The following CELSR1 variants were observed in gnomAD, a reference collection of about 807,000 sequenced individuals.
CELSR1 encodes cadherin EGF LAG seven-pass G-type receptor 1.
CELSR1 carries 110 observed loss-of-function variants against 249.1 expected under a neutral mutation model. The observed-to-expected ratio is 0.44, with a 90% CI of 0.38 to 0.52. The LOEUF (loss-of-function observed/expected upper bound fraction) is 0.52, where lower values mean the gene tolerates loss of function less well. CELSR1 is among the 20% of genes least tolerant of loss of function. The probability of loss-of-function intolerance (pLI) is 0.00; values close to 1 mark genes in which losing one functional copy is unlikely to be tolerated. For synonymous variants in CELSR1, 2,113 were observed against 1,900.0 expected (o/e 1.11, Z -2.92); for missense variants, 4,109 against 4,296.4 (o/e 0.96, Z 1.22).
chr22:46,422,832 A>C (rs1490159610), intron 5 of CELSR1, among the ~76,000 whole-genome samples: 1 of 151,806 alleles, frequency 6.6e-6, no homozygotes, highest in Non-Finnish European at 1.5e-5. Flanking sequence ...TTTTAAATAC[A>C]AAGAACTCAA....
In CELSR1 at chr22:46,468,075, G is replaced by A. The variant is rs1358873080; in HGVS notation, c.3545-3730C>T. On this transcript the variant is annotated intron_variant, in intron 1 of 34. Coordinates refer to ENST00000674500, the MANE Select transcript of CELSR1 (RefSeq NM_001378328.1). This position sits in a 1 kb window ranked among gnomAD's most constrained non-coding sequence, Gnocchi z 4.5. ...AACATGGAAGTGACCTGCGTCCACCGACAGATTAACGGATTAAAACAATGT... is the reference window on the plus strand; with the variant it reads ...AACATGGAAGTGACCTGCGTCCACCAACAGATTAACGGATTAAAACAATGT... 6.6e-6 allele frequency among the ~76,000 whole-genome samples: 1 copy of A among 152,044 alleles called. No homozygotes were observed. The highest frequency in any genetic ancestry group is 1.5e-5 in the Non-Finnish European group (1 of 68,022).
rs2079656316 is a variant in CELSR1, at chr22:46,436,026, A to G, written c.4522+148T>C. The G allele has an allele frequency of 1.6e-6, 1 of 617,886 alleles. No homozygotes were observed. Among genetic ancestry groups the G allele is most frequent in the African/African-American group, 1.8e-5 (1 of 54,284 alleles). 38.3% of individuals were successfully genotyped at this position (617,886 alleles called of 1,614,324 possible). ...TTATGAACATCTTTGTGTACTTTGGATTTCTTAAATAAGACAGCTTCCTAG... is the reference window on the plus strand; with the variant it reads ...TTATGAACATCTTTGTGTACTTTGGGTTTCTTAAATAAGACAGCTTCCTAG... On this transcript the variant is annotated intron_variant, in intron 4 of 34. Coordinates refer to ENST00000674500, the MANE Select transcript of CELSR1 (RefSeq NM_001378328.1). This position sits in a 1 kb window ranked among gnomAD's most constrained non-coding sequence, Gnocchi z 5.9.
chr22:46,503,748 G>C (rs2080487856), intron 1 of CELSR1, among the ~76,000 whole-genome samples: 1 of 152,234 alleles, frequency 6.6e-6, no homozygotes, highest in South Asian at 2.1e-4. Context: ...AAATATTTAA[G>C]GCTGGGTGCA....
At chr22:46,383,475 G>T (rs1198545815) in intron 20 of CELSR1, among the ~76,000 whole-genome samples, 2 of 152,028 alleles carry the variant, frequency 1.3e-5, no homozygotes, top group Admixed American at 6.6e-5. Context: ...TTTTGTTGTT[G>T]TTTTTTTGCG....
At position 46,409,211 on chromosome 22, in the gene CELSR1, C is replaced by A; in HGVS notation, c.5060-49G>T. 1 of 1,596,742 alleles carries A rather than the reference C, an allele frequency of 6.3e-7. No homozygotes were observed. Among genetic ancestry groups the A allele is most frequent in the Non-Finnish European group, 8.5e-7 (1 of 1,172,634 alleles). On this transcript the variant is annotated intron_variant, in intron 8 of 34. Transcript: ENST00000674500. The surrounding 1 kb of genome is among the most constrained non-coding windows in gnomAD (Gnocchi z 9.8). ...TCAGGTGTCTCCCGAAATCACACGG[C>A]CGCGGACTTGGCTGCAGGGGCGGGG...
chr22:46,371,413 G>C (rs933170207), intron 25 of CELSR1, among the ~76,000 whole-genome samples: 2 of 152,156 alleles, frequency 1.3e-5, no homozygotes, highest in East Asian at 3.8e-4. Flanking sequence ...CCCAGGAAAA[G>C]GGGTTCTTCT....
intron 2 of CELSR1, among the ~76,000 whole-genome samples, chr22:46,442,273 C>G (rs1003910698): frequency 3.3e-5 from 5 of 152,266 alleles, no homozygotes; most frequent in Admixed American, 1.3e-4. Flanking sequence ...ACAGCTGAGA[C>G]CCTGCACTCA....
chr22:46,476,812 G>C (rs1012452530), intron 1 of CELSR1, among the ~76,000 whole-genome samples: 1 of 151,626 alleles, frequency 6.6e-6, no homozygotes, highest in Non-Finnish European at 1.5e-5. Flanking sequence ...TGGGTATGGG[G>C]CTTTCTCAGG....
In CELSR1 at chr22:46,398,647, G is replaced by T. The variant is rs769931502; in HGVS notation, c.5413-10C>A. The stretch of plus-strand genomic sequence containing the variant: ...CGATATCTGCCTTGTTCTGTGCGGA[G>T]AGAGGGGCCGGGGATCTGGGGGCTG... On this transcript the variant is annotated splice_polypyrimidine_tract_variant and intron_variant, in intron 10 of 34. Transcript: ENST00000674500. The surrounding 1 kb of genome is among the most constrained non-coding windows in gnomAD (Gnocchi z 7.2). 1 of 1,601,944 alleles carries T rather than the reference G, an allele frequency of 6.2e-7. No homozygotes were observed. The highest frequency in any genetic ancestry group is 8.5e-7 in the Non-Finnish European group (1 of 1,173,770).
At position 46,410,327 on chromosome 22, in the gene CELSR1, C is replaced by A. The variant is rs564291398; in HGVS notation, c.4933+71G>T. 6.4e-7 allele frequency: 1 copy of A among 1,569,032 alleles called. No homozygotes were observed. Among genetic ancestry groups the A allele is most frequent in the East Asian group, 2.3e-5 (1 of 44,212 alleles). On this transcript the variant is annotated intron_variant, in intron 7 of 34. Transcript: ENST00000674500. The surrounding 1 kb of genome is among the most constrained non-coding windows in gnomAD (Gnocchi z 6.8). ...CTCCCCAGGGATCTGCAAGCAGTGA[C>A]CTCTGTGTGGCTGCCGACGTCCAGC...
At chr22:46,499,652 G>A (rs2080447169) in intron 1 of CELSR1, among the ~76,000 whole-genome samples, 1 of 152,112 alleles carries the variant, frequency 6.6e-6, no homozygotes, top group Non-Finnish European at 1.5e-5. Flanking sequence ...AATGTAACAT[G>A]ACCCACACCC....
At chr22:46,509,427 G>A (rs966020970) in intron 1 of CELSR1, among the ~76,000 whole-genome samples, 5 of 152,236 alleles carry the variant, frequency 3.3e-5, no homozygotes, top group African/African-American at 9.6e-5. Context: ...CTGTTCTGTC[G>A]GTGTTGGTCA....
At chr22:46,474,889 C>T (rs975137553) in intron 1 of CELSR1, among the ~76,000 whole-genome samples, 2 of 144,228 alleles carry the variant, frequency 1.4e-5, no homozygotes, top group African/African-American at 2.6e-5. Flanking sequence ...GAGAGGCTGC[C>T]GGGATCTGCT....
intron 5 of CELSR1, among the ~76,000 whole-genome samples, chr22:46,431,587 G>T (rs1569157959): frequency 6.6e-6 from 1 of 152,240 alleles, no homozygotes; most frequent in Non-Finnish European, 1.5e-5. Flanking sequence ...ACCCCAGGGG[G>T]CATTGAGCTC....
At position 46,517,400 on chromosome 22, in the gene CELSR1, C is replaced by T. The variant is rs541607350; in HGVS notation, c.3544+16227G>A. On this transcript the variant is annotated intron_variant, in intron 1 of 34. Transcript: ENST00000674500. The surrounding 1 kb of genome is among the most constrained non-coding windows in gnomAD (Gnocchi z 5.4). ...CGGTTTCCTGCCTACGGGGTCATCC[C>T]GGCCTGGTTTTCCCCCAAAACAGAC... Among the ~76,000 whole-genome samples, 5 of 152,332 alleles carry T rather than the reference C, an allele frequency of 3.3e-5. No individual in the cohort carries two copies. Among genetic ancestry groups the T allele is most frequent in the Admixed American group, 1.3e-4 (2 of 15,298 alleles).
At chr22:46,507,866 G>GC (rs1233937435) in intron 1 of CELSR1, among the ~76,000 whole-genome samples, 2 of 151,824 alleles carry the variant, frequency 1.3e-5, no homozygotes, top group Non-Finnish European at 2.9e-5. Flanking sequence ...GGAGGCACTG[G>GC]GGGGCTGCAT....
At chr22:46,493,154 G>C (rs1331482879) in intron 1 of CELSR1, among the ~76,000 whole-genome samples, 1 of 152,158 alleles carries the variant, frequency 6.6e-6, no homozygotes, top group Non-Finnish European at 1.5e-5. Context: ...GGAGGCTGAG[G>C]CAGGAAGATC....
At position 46,365,315 on chromosome 22, in the gene CELSR1, G is replaced by T; in HGVS notation, c.8470C>A (p.His2824Asn). 6.2e-7 allele frequency: 1 copy of T among 1,613,004 alleles called. No individual in the cohort carries two copies. The highest frequency in any genetic ancestry group is 8.5e-7 in the Non-Finnish European group (1 of 1,179,970). ...DEQSSSYASS[H>N]SSDSEDDGVG... ...CCATCGTCCTCGCTGTCTGACGAGTGTGAGGAGGCGTAAGAGCTGCTCTGC... is the reference window on the plus strand; with the variant it reads ...CCATCGTCCTCGCTGTCTGACGAGTTTGAGGAGGCGTAAGAGCTGCTCTGC... The change falls in exon 32 of 35, where the codon CAC becomes AAC. Residue 2824 changes from histidine (H) to asparagine (N), a missense_variant. Around this residue, in one of 7 missense-constraint regions of CELSR1, gnomAD observed 1,805 missense variants for 1,831.6 expected, o/e 0.99. Coordinates refer to ENST00000674500, the MANE Select transcript of CELSR1 (RefSeq NM_001378328.1).
At chr22:46,508,197 A>C in intron 1 of CELSR1, among the ~76,000 whole-genome samples, 1 of 139,424 alleles carries the variant, frequency 7.2e-6, no homozygotes, top group Non-Finnish European at 1.6e-5. Flanking sequence ...CACTCTCGCC[A>C]CTCTCGCCCT....
Sources: allele counts gnomAD v4.1 joint callset (sites outside exome capture counted in the v4.1 genomes callset), GRCh38; gene constraint gnomAD v4.1.1; regional missense constraint gnomAD v4.1.1; non-coding constraint Gnocchi (gnomAD v3.1); transcripts MANE v1.5; gene names NCBI Gene and HGNC (gene_info 2026-07-23, HGNC 2026-07-21).